PTPRD: variants seen among roughly 807,000 people sequenced by gnomAD.
PTPRD encodes the protein protein tyrosine phosphatase receptor type D.
In PTPRD, 34 loss-of-function variants were observed where a neutral mutation model predicts 214.5. The observed-to-expected ratio is 0.16, with a 90% CI of 0.12 to 0.21. PTPRD has a LOEUF of 0.21. Among genes scored for constraint, PTPRD ranks in the 10% least tolerant of loss-of-function variants. The pLI is 1.00. For missense variants in PTPRD, 2,545 were observed against 2,398.7 expected (o/e 1.06, Z -1.27); for synonymous variants, 1,128 against 845.7 (o/e 1.33, Z -5.79).
At chr9:9,472,264 C>A (rs1212614407) in intron 8 of PTPRD, among the ~76,000 whole-genome samples, 1 of 141,958 alleles carries the variant, frequency 7.0e-6, no homozygotes, top group African/African-American at 2.7e-5. Context: ...ACCGCAGTGG[C>A]GCAATCTCGG....
chr9:9,721,012 A>C (rs2097927678), intron 7 of PTPRD, among the ~76,000 whole-genome samples: 1 of 152,032 alleles, frequency 6.6e-6, no homozygotes, highest in African/African-American at 2.4e-5. Context: ...CAAGAAGGGT[A>C]CAAAAAAAAA....
intron 8 of PTPRD, among the ~76,000 whole-genome samples, chr9:9,452,746 G>C (rs2092421173): frequency 6.6e-6 from 1 of 151,236 alleles, no homozygotes; most frequent in Non-Finnish European, 1.5e-5. Flanking sequence ...ATTATAATAT[G>C]AAGTTCACAT....
intron 10 of PTPRD, among the ~76,000 whole-genome samples, chr9:9,054,076 T>C (rs969038365): frequency 2.6e-4 from 39 of 152,276 alleles, no homozygotes; most frequent in African/African-American, 7.7e-4. Flanking sequence ...TATCATGTAT[T>C]GAGCTCCTGG....
At chr9:10,031,647 T>TATATATATATATATACACACACACAC in intron 4 of PTPRD, among the ~76,000 whole-genome samples, 909 of 89,002 alleles carry the variant, frequency 0.01, 17 homozygotes, top group East Asian at 0.039. Flanking sequence ...TATATATATA[T>TATATATATATATATACACACACACAC]ACACACACAC....
intron 10 of PTPRD, among the ~76,000 whole-genome samples, chr9:9,032,161 G>C (rs911763319): frequency 4.6e-5 from 7 of 151,886 alleles, no homozygotes; most frequent in African/African-American, 1.2e-4. Context: ...GATGAGAAAA[G>C]AGAGTTCCCA....
intron 14 of PTPRD, among the ~76,000 whole-genome samples, chr9:8,618,216 C>T (rs555623332): frequency 3.3e-5 from 5 of 152,130 alleles, no homozygotes; most frequent in East Asian, 1.9e-4. Context: ...ATTTGCTGCA[C>T]GAGTTTGGGG....
At chr9:9,089,433 G>C (rs902515797) in intron 10 of PTPRD, among the ~76,000 whole-genome samples, 1 of 152,130 alleles carries the variant, frequency 6.6e-6, no homozygotes, top group Non-Finnish European at 1.5e-5. Context: ...GATTCAGTAC[G>C]AATATTAATA....
At chr9:8,552,126 G>A (rs1002948505) in intron 14 of PTPRD, among the ~76,000 whole-genome samples, 1 of 152,098 alleles carries the variant, frequency 6.6e-6, no homozygotes, top group African/African-American at 2.4e-5. Flanking sequence ...ATGGTCACAG[G>A]CACCTCCTTG....
intron 3 of PTPRD, 51 bp downstream of exon 3, chr9:10,340,912 G>A (rs1481099862): frequency 6.6e-6 from 1 of 151,902 alleles, no homozygotes; most frequent in Non-Finnish European, 1.5e-5. Flanking sequence ...TTATGCAATG[G>A]ATAGAATTCA....
intron 21 of PTPRD, among the ~76,000 whole-genome samples, chr9:8,508,790 C>G (rs1437704115): frequency 6.6e-6 from 1 of 151,664 alleles, no homozygotes; most frequent in African/African-American, 2.4e-5. Context: ...TAAAAAATGC[C>G]CTTTGTTAAA....
chr9:8,805,852 G>A (rs766056425), intron 11 of PTPRD, among the ~76,000 whole-genome samples: 11 of 150,714 alleles, frequency 7.3e-5, no homozygotes, highest in Admixed American at 1.3e-4. Context: ...AAAATAAGCC[G>A]GGCATGGTGG....
At chr9:9,389,358 A>G (rs1413350858) in intron 9 of PTPRD, among the ~76,000 whole-genome samples, 2 of 152,064 alleles carry the variant, frequency 1.3e-5, no homozygotes, top group East Asian at 1.9e-4. Context: ...TAAAAATACA[A>G]AATTAGCCGG....
At chr9:9,476,827 C>A (rs1389139007) in intron 8 of PTPRD, among the ~76,000 whole-genome samples, 1 of 152,118 alleles carries the variant, frequency 6.6e-6, no homozygotes, top group African/African-American at 2.4e-5. Flanking sequence ...CCTCCACCTC[C>A]TGGGTTCAAG....
intron 4 of PTPRD, among the ~76,000 whole-genome samples, chr9:9,952,540 C>T (rs2093552978): frequency 6.6e-6 from 1 of 152,150 alleles, no homozygotes; most frequent in South Asian, 2.1e-4. Flanking sequence ...CTCACTCGTT[C>T]TGACAATCAA....
At chr9:10,103,395 T>TAAATATATATATA (rs34926923) in intron 3 of PTPRD, among the ~76,000 whole-genome samples, 1 of 116,698 alleles carries the variant, frequency 8.6e-6, no homozygotes, top group Non-Finnish European at 1.8e-5. Flanking sequence ...ATATATATAT[T>TAAATATATATATA]TATTTAAGAG....
Position 10,456,866 on chromosome 9 carries a change from C to T in PTPRD, c.-599-115849G>A, listed in dbSNP as rs528095674. 1.4e-3 allele frequency among the ~76,000 whole-genome samples: 213 copies of T among 151,860 alleles called. 1 individual carries two copies. The highest frequency in any genetic ancestry group is 5.0e-3 in the African/African-American group (207 of 41,476). ...AAATTCATTGCATATATATAGGCTG[C>T]CCCCAATTCATGAACAGGTAGTAGT... On this transcript the variant is annotated intron_variant, in intron 2 of 45. Transcript: ENST00000381196.
chr9:9,930,744 C>T (rs12001690), intron 5 of PTPRD, among the ~76,000 whole-genome samples: 6,636 of 151,980 alleles, frequency 0.044, 440 homozygotes, highest in Admixed American at 0.16. Context: ...ATTATTTATA[C>T]TTTTCCACAA....
intron 2 of PTPRD, among the ~76,000 whole-genome samples, chr9:10,591,933 C>T (rs1240229521): frequency 6.6e-6 from 1 of 152,116 alleles, no homozygotes; most frequent in Non-Finnish European, 1.5e-5. Flanking sequence ...CTAACTCCCA[C>T]CCCTGACAAT....
At chr9:9,076,284 G>T (rs2099751049) in intron 10 of PTPRD, among the ~76,000 whole-genome samples, 1 of 152,094 alleles carries the variant, frequency 6.6e-6, no homozygotes, top group East Asian at 1.9e-4. Context: ...GTAGATTCTG[G>T]ATATTAGCCC....
Sources: gnomAD v4.1 joint callset for allele counts (sites outside exome capture counted in the v4.1 genomes callset) on GRCh38, gnomAD v4.1.1 for gene constraint, MANE v1.5 for transcripts, NCBI Gene and HGNC (gene_info 2026-07-23, HGNC 2026-07-21) for gene names.